CDKL3: variants seen among roughly 807,000 people sequenced by gnomAD.
CDKL3 encodes cyclin dependent kinase like 3, also known as cyclin-dependent kinase-like 3.
Under a neutral mutation model 69.3 loss-of-function variants are expected in CDKL3, and 65 were observed. That is an observed-to-expected ratio of 0.94 (90% CI 0.77 to 1.15). The LOEUF is 1.15. Ranked by LOEUF, CDKL3 falls within the 50% of genes most tolerant of loss-of-function variation. The pLI is 0.00. For missense variants in CDKL3, 652 were observed against 689.2 expected (o/e 0.95, Z 0.61); for synonymous variants, 202 against 221.6 (o/e 0.91, Z 0.79).
chr5:134,312,353 T>G lies in CDKL3; in HGVS notation c.820A>C (p.Arg274=), dbSNP rs1429473331. The part of the protein sequence containing the change: ...HACLQIDPAD[R]ISSSDLLHHE... Reference sequence around the variant, plus strand: ...TGCAAAAGATCACTAGATGATATCCTGTCAGCAGGATCAATTTGTAAACAA... The same window carrying G: ...TGCAAAAGATCACTAGATGATATCCGGTCAGCAGGATCAATTTGTAAACAA... Residue 274 remains arginine (R), a synonymous_variant, in exon 7 of 13, where the codon AGG becomes CGG. Transcript: ENST00000265334. 2 of 1,597,422 alleles carry G rather than the reference T, an allele frequency of 1.3e-6. No individual in the cohort carries two copies. The highest frequency in any genetic ancestry group is 2.7e-5 in the African/African-American group (2 of 74,258).
At chr5:134,352,485 G>C (rs1215966520) in intron 3 of CDKL3, among the ~76,000 whole-genome samples, 1 of 151,968 alleles carries the variant, frequency 6.6e-6, no homozygotes, top group East Asian at 1.9e-4. Context: ...ATTTTTAGTG[G>C]AGATGGGGTT....
intron 12 of CDKL3, among the ~76,000 whole-genome samples, chr5:134,300,225 G>C (rs775585188): frequency 5.3e-5 from 8 of 152,126 alleles, no homozygotes; most frequent in Non-Finnish European, 8.8e-5. Flanking sequence ...TGTAATCCCA[G>C]CTACTCAGGA....
At chr5:134,366,256 CATA>C (rs1757404004) in intron 2 of CDKL3, 100 bp downstream of exon 2, 1 of 750,668 alleles carries the variant, frequency 1.3e-6, no homozygotes, top group Non-Finnish European at 2.1e-6. Context: ...CTTGTTTCTC[CATA>C]ATATGAATCA....
At chr5:134,304,835 T>TAATAATAA (rs1561506405) in intron 10 of CDKL3, among the ~76,000 whole-genome samples, 2 of 125,290 alleles carry the variant, frequency 1.6e-5, no homozygotes, top group African/African-American at 3.3e-5. Flanking sequence ...AATAATAATA[T>TAATAATAA]TATTATTATT....
At chr5:134,320,601 C>T (rs534668667) in intron 5 of CDKL3, among the ~76,000 whole-genome samples, 1 of 151,966 alleles carries the variant, frequency 6.6e-6, no homozygotes, top group East Asian at 1.9e-4. Flanking sequence ...TTTAGCCGGG[C>T]GCGGTGGTTC....
chr5:134,370,877 A>C (rs1758315920), upstream of CDKL3: 1 of 152,584 alleles, frequency 6.6e-6, no homozygotes, highest in African/African-American at 2.4e-5. Context: ...TAAAGAAAAC[A>C]AAACAAGCTG....
At chr5:134,332,841 G>A (rs1371915791) in intron 4 of CDKL3, among the ~76,000 whole-genome samples, 1 of 152,196 alleles carries the variant, frequency 6.6e-6, no homozygotes, top group African/African-American at 2.4e-5. Context: ...AAAGCCAGTG[G>A]TAGCTTTTTG....
intron 4 of CDKL3, among the ~76,000 whole-genome samples, chr5:134,326,878 CAT>C (rs1561563862): frequency 3.6e-5 from 5 of 139,808 alleles, no homozygotes; most frequent in East Asian, 4.2e-4. Context: ...CACACACACA[CAT>C]AGTCCTTATA....
rs965942028 is a variant in CDKL3, at chr5:134,317,459, A to T, written c.792+1899T>A. Among the ~76,000 whole-genome samples, 135 of 152,028 alleles carry T rather than the reference A, an allele frequency of 8.9e-4. 2 individuals carry two copies. Among genetic ancestry groups the T allele is most frequent in the Non-Finnish European group, 4.4e-4 (30 of 67,982 alleles). Reference sequence around the variant, plus strand: ...ACGAGCCACTGCACCTAGCCATTTTAAATAAAATTTAAATTTTGACCAGGC... The same window carrying T: ...ACGAGCCACTGCACCTAGCCATTTTTAATAAAATTTAAATTTTGACCAGGC... On this transcript the variant is annotated intron_variant, in intron 6 of 12. Coordinates refer to ENST00000265334, the MANE Select transcript of CDKL3 (RefSeq NM_001113575.2).
downstream of CDKL3, among the ~76,000 whole-genome samples, chr5:134,295,011 C>CT (rs869256167): frequency 0.021 from 2,095 of 100,426 alleles, 23 homozygotes; most frequent in Non-Finnish European, 0.024. Context: ...ATTTTTTTTT[C>CT]TTTTTTTTTT....
At chr5:134,351,573 T>C (rs1753313355) in intron 3 of CDKL3, among the ~76,000 whole-genome samples, 2 of 152,034 alleles carry the variant, frequency 1.3e-5, no homozygotes, top group African/African-American at 4.8e-5. Context: ...TAGCTAGGAC[T>C]ATAAGCGCGT....
intron 6 of CDKL3, among the ~76,000 whole-genome samples, chr5:134,318,183 C>A (rs1224316767): frequency 6.6e-6 from 1 of 150,664 alleles, no homozygotes; most frequent in East Asian, 2.0e-4. Flanking sequence ...CGCGCCATTG[C>A]ACTCCACCCT....
intron 10 of CDKL3, among the ~76,000 whole-genome samples, chr5:134,306,245 A>G (rs1330021684): frequency 6.6e-6 from 1 of 152,216 alleles, no homozygotes; most frequent in East Asian, 1.9e-4. Flanking sequence ...CTGTAATCCT[A>G]GCACTTTGGG....
chr5:134,302,371 C>G (rs1766566249), intron 12 of CDKL3, among the ~76,000 whole-genome samples: 1 of 152,146 alleles, frequency 6.6e-6, no homozygotes, highest in African/African-American at 2.4e-5. Context: ...CCCTGGGTGC[C>G]ATGCATTCTA....
intron 2 of CDKL3, among the ~76,000 whole-genome samples, chr5:134,363,641 A>T (rs995034783): frequency 6.6e-6 from 1 of 151,888 alleles, no homozygotes; most frequent in Non-Finnish European, 1.5e-5. Flanking sequence ...TTTGTGTTTT[A>T]GTAGAGACAG....
chr5:134,319,417 G>A lies in CDKL3; in HGVS notation c.733C>T (p.Pro245Ser). 1.3e-6 allele frequency: 2 copies of A among 1,541,532 alleles called. No homozygotes were observed. The highest frequency in any genetic ancestry group is 1.7e-6 in the Non-Finnish European group (2 of 1,143,906). The change falls in exon 6 of 13, where the codon CCC (proline) becomes TCC (serine). Residue 245 changes from proline to serine, a missense_variant. Coordinates refer to ENST00000265334, the MANE Select transcript of CDKL3 (RefSeq NM_001113575.2). ...GGATATTTTTTTCTTGCATTTTTGGGGTGTTGAACTTGAGGAAGAACTACC... is the reference window on the plus strand; with the variant it reads ...GGATATTTTTTTCTTGCATTTTTGGAGTGTTGAACTTGAGGAAGAACTACC... ...AGVVLPQVQH[P>S]KNARKKYPKL... is the part of the protein sequence containing the mutation.
At chr5:134,287,485 T>C (rs1764920733) in intron 8 of CDKL3, among the ~76,000 whole-genome samples, 1 of 152,226 alleles carries the variant, frequency 6.6e-6, no homozygotes, top group Non-Finnish European at 1.5e-5. Flanking sequence ...CTTTCACTTA[T>C]GACAACTTCA....
At chr5:134,368,046 T>A (rs1561668639), upstream of CDKL3, among the ~76,000 whole-genome samples, 2 of 152,198 alleles carry the variant, frequency 1.3e-5, no homozygotes, top group Non-Finnish European at 2.9e-5. Context: ...TTCCGCTAAA[T>A]AAGAGGAAAG....
chr5:134,297,242 G>A (rs1468634074), downstream of CDKL3, among the ~76,000 whole-genome samples: 1 of 152,162 alleles, frequency 6.6e-6, no homozygotes, highest in South Asian at 2.1e-4. Flanking sequence ...GTGAGCCACC[G>A]TGCCCAGCAA....
Sources: allele counts gnomAD v4.1 joint callset (sites outside exome capture counted in the v4.1 genomes callset), GRCh38; gene constraint gnomAD v4.1.1; transcripts MANE v1.5; gene names NCBI Gene and HGNC (gene_info 2026-07-23, HGNC 2026-07-21).